Variants in SCARF2 observed in about 807,000 individuals in gnomAD.
The protein encoded by SCARF2 is scavenger receptor class F member 2, also known as scavenger receptor expressed by endothelial cells 2 protein.
SCARF2 carries 39 observed loss-of-function variants against 73.4 expected under a neutral mutation model. The ratio of observed to expected loss-of-function variants is 0.53; its 90% CI spans 0.41 to 0.69. The LOEUF is 0.69. Among genes scored for constraint, SCARF2 ranks in the 30% least tolerant of loss-of-function variants. SCARF2 has a pLI of 0.00. For missense variants in SCARF2, 1,148 were observed against 1,303.5 expected (o/e 0.88, Z 1.84); for synonymous variants, 605 against 590.0 (o/e 1.03, Z -0.37).
chr22:20,434,522 C>A (rs947367988), intron 1 of SCARF2, among the ~76,000 whole-genome samples: 1 of 152,180 alleles, frequency 6.6e-6, no homozygotes, highest in Non-Finnish European at 1.5e-5. Flanking sequence ...CATTTGGGTT[C>A]ACTGAGAACA....
rs1046828109 is a variant in SCARF2 at position 20,425,293 on chromosome 22, C to T, written c.*82G>A. On this transcript the variant is annotated 3_prime_UTR_variant, in exon 11 of 11. Transcript: ENST00000622235. This position sits in a 1 kb window ranked among gnomAD's most constrained non-coding sequence, Gnocchi z 4.6. ...GGTGCCCGGCCAATAGGAGGCCGCC[C>T]GTGCCCGGTAGCGTGGGAGGTGTGG... is the stretch of plus-strand genomic sequence containing the variant. 9 of 1,207,692 alleles carry T rather than the reference C, an allele frequency of 7.5e-6. No individual in the cohort carries two copies. Among genetic ancestry groups the T allele is most frequent in the Non-Finnish European group, 6.4e-6 (6 of 941,048 alleles). 74.8% of individuals were successfully genotyped at this position (1,207,692 alleles called of 1,614,324 possible).
intron 2 of SCARF2, 37 bp from the exon 3 acceptor site, chr22:20,431,883 A>AGGGGCG: frequency 6.5e-7 from 1 of 1,530,526 alleles, no homozygotes; most frequent in Non-Finnish European, 9.0e-7. Context: ...TGCGCGTCCT[A>AGGGGCG]GCCCCGCCCC....
In SCARF2 at chr22:20,429,895, C is replaced by G. The variant is rs566246336; in HGVS notation, c.1203-62G>C. On this transcript the variant is annotated intron_variant, in intron 6 of 10. Coordinates refer to ENST00000622235, the MANE Select transcript of SCARF2 (RefSeq NM_182895.5). The surrounding 1 kb of genome is among the most constrained non-coding windows in gnomAD (Gnocchi z 5.2). ...CCCCCTAGGATGCCCCCTACCCTCA[C>G]CCCTCACCCGCGGCCAGGGCCCAGG... 1 of 1,511,532 alleles carries G rather than the reference C, an allele frequency of 6.6e-7. No individual in the cohort carries two copies. Among genetic ancestry groups the G allele is most frequent in the Admixed American group, 1.8e-5 (1 of 54,212 alleles). 93.6% of individuals were successfully genotyped at this position (1,511,532 alleles called of 1,614,324 possible).
In SCARF2 at chr22:20,425,756, C is replaced by T; in HGVS notation, c.2220G>A (p.Arg740=). ...ATALAAPSPP[R]ARARGRGPGL... ...CGGGGCCGCGGCCCCGCGCTCGGGC[C>T]CTGGGCGGCGAGGGCGCAGCGAGGG... The change falls in exon 11 of 11, where the codon AGG becomes AGA. Residue 740 remains arginine, a synonymous_variant. Coordinates refer to ENST00000622235, the MANE Select transcript of SCARF2 (RefSeq NM_182895.5). This position sits in a 1 kb window ranked among gnomAD's most constrained non-coding sequence, Gnocchi z 4.6. The T allele has an allele frequency of 7.7e-7, 1 of 1,292,488 alleles. No homozygotes were observed. The highest frequency in any genetic ancestry group is 9.7e-7 in the Non-Finnish European group (1 of 1,026,138). 80.1% of individuals were successfully genotyped at this position (1,292,488 alleles called of 1,614,324 possible). A position where few individuals can be genotyped will look rare whatever the true frequency, so the allele number is the denominator to read the frequency against.
At position 20,431,991 on chromosome 22, in the gene SCARF2, G is replaced by T; in HGVS notation, c.174-3C>A. ...CGCAGCACGTGGGCACCTGGGAGCT[G>T]CGAGCAGAGGGAGGACATCTAAGCC... On this transcript the variant is annotated splice_region_variant and splice_polypyrimidine_tract_variant and intron_variant, in intron 1 of 10. Coordinates refer to ENST00000622235, the MANE Select transcript of SCARF2 (RefSeq NM_182895.5). 1 of 1,608,804 alleles carries T rather than the reference G, an allele frequency of 6.2e-7. No homozygotes were observed. The highest frequency in any genetic ancestry group is 2.2e-5 in the East Asian group (1 of 44,678).
intron 1 of SCARF2, among the ~76,000 whole-genome samples, chr22:20,432,309 GAGA>G (rs780903259): frequency 6.6e-6 from 1 of 152,336 alleles, no homozygotes; most frequent in Non-Finnish European, 1.5e-5. Flanking sequence ...AGCAGCCAGG[GAGA>G]AGACCATGGG....
rs2146125986 is a variant in SCARF2 at position 20,429,152 on chromosome 22, C to T, written c.1540+73G>A. The T allele has an allele frequency of 1.3e-6, 2 of 1,596,774 alleles. No homozygotes were observed. The highest frequency in any genetic ancestry group is 1.7e-4 in the Middle Eastern group (1 of 6,046). On this transcript the variant is annotated intron_variant, in intron 9 of 10. Coordinates refer to ENST00000622235, the MANE Select transcript of SCARF2 (RefSeq NM_182895.5). This position sits in a 1 kb window ranked among gnomAD's most constrained non-coding sequence, Gnocchi z 5.2. ...ATTTCCTCACTGAGATCTGGACCCC[C>T]TCACACCCATTTCCCAGCAGCTTCC...
intron 9 of SCARF2, among the ~76,000 whole-genome samples, chr22:20,428,463 C>G (rs1472903188): frequency 1.3e-5 from 2 of 152,148 alleles, no homozygotes; most frequent in Non-Finnish European, 2.9e-5. Flanking sequence ...CGCCACCACA[C>G]CCGGCTACTT....
chr22:20,429,613 C>A lies in SCARF2; in HGVS notation c.1347G>T (p.Leu449=). The A allele has an allele frequency of 6.2e-7, 1 of 1,613,668 alleles. No homozygotes were observed. Among genetic ancestry groups the A allele is most frequent in the East Asian group, 2.2e-5 (1 of 44,872 alleles). ...QRKGVMGAGA[L]LVLLVCLLLS... ...GCAGCAGGCAGACGAGCAGGACGAG[C>A]AGCGCGCCCGCGCCCATCACGCCCT... Residue 449 remains leucine, a synonymous_variant, in exon 8 of 11, where the codon CTG becomes CTT. Coordinates refer to ENST00000622235, the MANE Select transcript of SCARF2 (RefSeq NM_182895.5). The surrounding 1 kb of genome is among the most constrained non-coding windows in gnomAD (Gnocchi z 5.2).
chr22:20,430,671 C>A lies in SCARF2; in HGVS notation c.1073+19G>T. On this transcript the variant is annotated intron_variant, in intron 5 of 10. Coordinates refer to ENST00000622235, the MANE Select transcript of SCARF2 (RefSeq NM_182895.5). Reference sequence around the variant, plus strand: ...GCGGGGGACTGCGTGTCTGGGCCGACGCAGGCAGGGCTGCTCACCGGTCGC... The same window carrying A: ...GCGGGGGACTGCGTGTCTGGGCCGAAGCAGGCAGGGCTGCTCACCGGTCGC... 6.3e-7 allele frequency: 1 copy of A among 1,596,796 alleles called. No homozygotes were observed. Among genetic ancestry groups the A allele is most frequent in the Non-Finnish European group, 8.5e-7 (1 of 1,172,416 alleles).
Position 20,426,238 on chromosome 22 carries a change from C to A in SCARF2, c.1738G>T (p.Ala580Ser). 6.5e-7 allele frequency: 1 copy of A among 1,536,232 alleles called. No individual in the cohort carries two copies. Among genetic ancestry groups the A allele is most frequent in the Non-Finnish European group, 8.7e-7 (1 of 1,147,380 alleles). ...ACAGGGGACGGCGCCGGCGCCTCGGCAGGGACAGTGGGGACTTCGGGGTCC... is the reference window on the plus strand; with the variant it reads ...ACAGGGGACGGCGCCGGCGCCTCGGAAGGGACAGTGGGGACTTCGGGGTCC... Reference protein sequence around the residue: ...SRDPEVPTVPAEAPAPSPVPL... With the variant: ...SRDPEVPTVPSEAPAPSPVPL... The change falls in exon 11 of 11, where the codon GCC becomes TCC. Residue 580 changes from alanine (A) to serine (S), a missense_variant. By Grantham distance (99) the Ala-to-Ser change is moderately conservative. Around this residue, in one of 5 missense-constraint regions of SCARF2, gnomAD observed 437 missense variants for 433.6 expected, o/e 1.01. Transcript: ENST00000622235.
At chr22:20,434,630 C>T (rs1297997973) in intron 1 of SCARF2, among the ~76,000 whole-genome samples, 1 of 152,232 alleles carries the variant, frequency 6.6e-6, no homozygotes, top group Non-Finnish European at 1.5e-5. Flanking sequence ...GGAAAGATGG[C>T]CTGCTGCAGG....
At chr22:20,436,315 T>A (rs2052698170) in intron 1 of SCARF2, among the ~76,000 whole-genome samples, 1 of 152,126 alleles carries the variant, frequency 6.6e-6, no homozygotes, top group South Asian at 2.1e-4. Context: ...CCCGGGCCTG[T>A]CTGGGAAAGA....
Position 20,437,661 on chromosome 22 carries a change from G to C in SCARF2, c.94C>G (p.Leu32Val). 1 of 1,522,734 alleles carries C rather than the reference G, an allele frequency of 6.6e-7. No homozygotes were observed. The highest frequency in any genetic ancestry group is 2.7e-5 in the East Asian group (1 of 37,664). 94.3% of individuals were successfully genotyped at this position (1,522,734 alleles called of 1,614,324 possible). ...SPLLPSLLLL[L>V]LLWMLPDTVA... ...GTGTCCGGCAGCATCCAGAGCAGCA[G>C]CAGCAGCAGCAGCGACGGCAGCAGC... Residue 32 changes from leucine to valine, a missense_variant, in exon 1 of 11, where the codon CTG (leucine) becomes GTG (valine). This residue lies in a region of SCARF2 where 124 missense variants were observed against 120.4 expected (regional missense o/e 1.03). Transcript: ENST00000622235.
intron 9 of SCARF2, 49 bp from the exon 10 acceptor site, chr22:20,427,599 G>A (rs201487292): frequency 3.2e-5 from 52 of 1,604,558 alleles, no homozygotes; most frequent in Admixed American, 2.5e-4. Context: ...TGCCCCAGCC[G>A]GTGCCCTCAT....
Position 20,425,377 on chromosome 22 carries a change from A to G in SCARF2, c.2599T>C (p.Ter867GlnextTer39). Reference sequence around the variant, plus strand: ...GCGCGCGGACGAGCCACAGCCTGCTACAGGGTGGGTGCGCCCGCCCTGCCC... The same window carrying G: ...GCGCGCGGACGAGCCACAGCCTGCTGCAGGGTGGGTGCGCCCGCCCTGCCC... ...ELGRAGAPTL[*>Q] Residue 867 changes from the stop codon to glutamine, a stop_lost, in exon 11 of 11, where the codon TAG becomes CAG. Transcript: ENST00000622235. The surrounding 1 kb of genome is among the most constrained non-coding windows in gnomAD (Gnocchi z 4.6). The G allele has an allele frequency of 7.0e-7, 1 of 1,421,396 alleles. No homozygotes were observed. Among genetic ancestry groups the G allele is most frequent in the Non-Finnish European group, 9.2e-7 (1 of 1,083,786 alleles). The allele number at this position is 1,421,396 out of a possible 1,614,324, so 88.0% of individuals were successfully genotyped here.
chr22:20,436,321 A>G (rs917054493), intron 1 of SCARF2, among the ~76,000 whole-genome samples: 5 of 152,052 alleles, frequency 3.3e-5, no homozygotes, highest in Non-Finnish European at 7.4e-5. Flanking sequence ...CCTGTCTGGG[A>G]AAGAGGGCTG....
chr22:20,426,014 C>T lies in SCARF2; in HGVS notation c.1962G>A (p.Pro654=), dbSNP rs2052573182. 2 of 1,581,272 alleles carry T rather than the reference C, an allele frequency of 1.3e-6. No individual in the cohort carries two copies. The highest frequency in any genetic ancestry group is 1.4e-5 in the African/African-American group (1 of 71,664). Residue 654 remains proline, a synonymous_variant, in exon 11 of 11, where the codon CCG becomes CCA. Coordinates refer to ENST00000622235, the MANE Select transcript of SCARF2 (RefSeq NM_182895.5). ...SLSPSPERRK[P]PPPDPATKPK... ...GCTTGGTGGCGGGGTCAGGTGGCGG[C>T]GGTTTCCTGCGCTCGGGCGATGGCG...
intron 6 of SCARF2, among the ~76,000 whole-genome samples, chr22:20,430,121 A>G (rs2052625836): frequency 6.6e-6 from 1 of 152,166 alleles, no homozygotes; most frequent in Non-Finnish European, 1.5e-5. Flanking sequence ...CTAGGTGGGA[A>G]GAGGGGCTGC....
Sources: gnomAD v4.1 joint callset for allele counts (sites outside exome capture counted in the v4.1 genomes callset) on GRCh38, gnomAD v4.1.1 for gene constraint, gnomAD v4.1.1 regional missense constraint, Gnocchi (gnomAD v3.1) non-coding constraint, MANE v1.5 for transcripts, NCBI Gene and HGNC (gene_info 2026-07-23, HGNC 2026-07-21) for gene names.